The following APOOL variants were observed in gnomAD, a reference collection of about 807,000 sequenced individuals.
The protein encoded by APOOL is MICOS complex subunit MIC27.
APOOL carries 12 observed loss-of-function variants against 23.1 expected under a neutral mutation model. The observed-to-expected ratio is 0.52, with a 90% CI of 0.33 to 0.84. The LOEUF (loss-of-function observed/expected upper bound fraction) is 0.84. APOOL is among the 40% of genes least tolerant of loss of function. The pLI, the probability that APOOL is intolerant of heterozygous loss-of-function variation, is 0.02. For missense variants in APOOL, 212 were observed against 199.6 expected, an observed-to-expected ratio of 1.06 and a Z score of -0.37; for synonymous variants, 77 against 69.9, an observed-to-expected ratio of 1.10 and a Z score of -0.51.
chrX:85,051,560 C>T, intron 3 of APOOL, 52 bp downstream of exon 3: 1 of 1,194,739 alleles, frequency 8.4e-7, no homozygotes, highest in South Asian at 1.8e-5. Context: ...ATTAATTGTT[C>T]CAGTTACCTA....
intron 4 of APOOL, among the ~76,000 whole-genome samples, chrX:85,055,126 ATTAT>A (rs1205946389): frequency 8.9e-6 from 1 of 112,011 alleles, no homozygotes; most frequent in Non-Finnish European, 1.9e-5. Flanking sequence ...TTGAATTGTC[ATTAT>A]TTAATGTATT....
At chrX:85,060,924 A>C (rs1262187540) in intron 5 of APOOL, among the ~76,000 whole-genome samples, 1 of 111,202 alleles carries the variant, frequency 9.0e-6, no homozygotes, top group East Asian at 2.8e-4. Flanking sequence ...TGTGTTGAAC[A>C]GGAGTGGTGA....
chrX:85,013,693 G>T (rs1484943958), intron 1 of APOOL, among the ~76,000 whole-genome samples: 1 of 111,642 alleles, frequency 9.0e-6, no homozygotes, highest in Admixed American at 9.5e-5. Context: ...TGCTTAATAT[G>T]ATTTTGATTT....
At chrX:85,019,274 AT>A (rs1333168603) in intron 1 of APOOL, among the ~76,000 whole-genome samples, 2 of 112,032 alleles carry the variant, frequency 1.8e-5, no homozygotes, top group Non-Finnish European at 3.8e-5. Context: ...TATCTGAAAG[AT>A]ATTGAGTCAT....
chrX:85,017,865 G>T (rs1412162813), intron 1 of APOOL, among the ~76,000 whole-genome samples: 1 of 111,913 alleles, frequency 8.9e-6, no homozygotes, highest in East Asian at 2.8e-4. Flanking sequence ...CTCTCACTTT[G>T]GGAACTCACC....
intron 3 of APOOL, among the ~76,000 whole-genome samples, chrX:85,052,513 AT>A (rs1922818584): frequency 8.9e-6 from 1 of 112,005 alleles, no homozygotes; most frequent in African/African-American, 3.2e-5. Flanking sequence ...CTGATGGTGA[AT>A]CATTGTTCTT....
At chrX:85,084,875 C>T (rs975426942) in intron 8 of APOOL, among the ~76,000 whole-genome samples, 1 of 111,233 alleles carries the variant, frequency 9.0e-6, no homozygotes, top group African/African-American at 3.3e-5. Context: ...ATTTGACACA[C>T]TGAGATTTAC....
At chrX:85,073,220 G>A (rs1038762917) in intron 6 of APOOL, among the ~76,000 whole-genome samples, 1 of 111,046 alleles carries the variant, frequency 9.0e-6, no homozygotes, top group African/African-American at 3.3e-5. Flanking sequence ...AAAAATTTAT[G>A]TTTGTAGAAA....
chrX:85,027,340 C>G (rs1921879295), intron 1 of APOOL, among the ~76,000 whole-genome samples: 1 of 111,353 alleles, frequency 9.0e-6, no homozygotes, highest in Non-Finnish European at 1.9e-5. Context: ...TGCCAGCCCC[C>G]ACTTCCTATA....
At chrX:85,084,238 C>T (rs1480439884) in intron 8 of APOOL, among the ~76,000 whole-genome samples, 1 of 104,376 alleles carries the variant, frequency 9.6e-6, no homozygotes, top group Non-Finnish European at 1.9e-5. Context: ...CGGGTTCAAG[C>T]GATTCTCCTG....
intron 1 of APOOL, among the ~76,000 whole-genome samples, chrX:85,026,019 C>G (rs1304465782): frequency 8.8e-6 from 1 of 113,328 alleles, no homozygotes; most frequent in Non-Finnish European, 1.9e-5. Context: ...TGTGAGGGCT[C>G]CACCTCTGCA....
intron 5 of APOOL, among the ~76,000 whole-genome samples, chrX:85,057,565 A>C (rs958594657): frequency 9.4e-6 from 1 of 105,908 alleles, no homozygotes; most frequent in African/African-American, 3.4e-5. Context: ...ATATATATAT[A>C]TCTCATCTGA....
chrX:85,014,327 G>C (rs894201496), intron 1 of APOOL, among the ~76,000 whole-genome samples: 1 of 111,321 alleles, frequency 9.0e-6, no homozygotes, highest in Admixed American at 9.6e-5. Context: ...CGTTAGTATT[G>C]AGATGTGAGG....
chrX:85,077,253 C>T (rs2147664350), intron 8 of APOOL, among the ~76,000 whole-genome samples: 1 of 106,984 alleles, frequency 9.3e-6, no homozygotes, highest in African/African-American at 3.4e-5. Flanking sequence ...GCTATCCCTC[C>T]TCCTGCCCCC....
chrX:85,038,524 G>GTTTTTTTTTTTT lies in APOOL; in HGVS notation c.16-7907_16-7896dup, dbSNP rs56248244. On this transcript the variant is annotated intron_variant, in intron 1 of 8. Transcript: ENST00000373173. Reference sequence around the variant, plus strand: ...TAAGCTGTGAATCTATCTGGTACAAGTTTTTTTTTTTTTTTTTTTTTTTTT... The same window carrying GTTTTTTTTTTTT: ...TAAGCTGTGAATCTATCTGGTACAAGTTTTTTTTTTTTTTTTTTTTTTTTTTTTTTTTTTTTT... Among the ~76,000 whole-genome samples the GTTTTTTTTTTTT allele has an allele frequency of 3.0e-4, 13 of 43,428 alleles. 1 individual carries two copies. The highest frequency in any genetic ancestry group is 1.4e-3 in the African/African-American group (13 of 9,315). 37.7% of individuals were successfully genotyped at this position (43,428 alleles called of 115,157 possible). A position where few individuals can be genotyped will look rare whatever the true frequency, so the allele number is the denominator to read the frequency against.
At position 85,046,421 on chromosome X, in the gene APOOL, G is replaced by T. The variant is rs368202889; in HGVS notation, c.16-25G>T. 6.2e-6 allele frequency: 7 copies of T among 1,128,491 alleles called. No individual in the cohort carries two copies. In the South Asian group the frequency reaches 9.9e-5, roughly 16 times the overall value. 93.0% of individuals were successfully genotyped at this position (1,128,491 alleles called of 1,213,427 possible). ...AGATGGAAAGCTTTTCAACTAAAAA[G>T]ATGTTTTTGATATATCTTTCTTAGA... On this transcript the variant is annotated intron_variant, in intron 1 of 8. Transcript: ENST00000373173.
intron 8 of APOOL, among the ~76,000 whole-genome samples, chrX:85,077,702 G>A (rs1923913082): frequency 9.0e-6 from 1 of 111,728 alleles, no homozygotes; most frequent in African/African-American, 3.3e-5. Flanking sequence ...CAGAATGGTT[G>A]AACTAATTTA....
chrX:85,009,720 G>A (rs1921212595), intron 1 of APOOL, among the ~76,000 whole-genome samples: 2 of 110,196 alleles, frequency 1.8e-5, no homozygotes, highest in Admixed American at 9.7e-5. Flanking sequence ...GGCATTTGTT[G>A]TGCAGATTAT....
At chrX:85,057,475 T>A (rs1234458026) in intron 5 of APOOL, among the ~76,000 whole-genome samples, 1 of 105,628 alleles carries the variant, frequency 9.5e-6, no homozygotes, top group Non-Finnish European at 1.9e-5. Context: ...TATATATATA[T>A]AAAACATATA....
Sources: allele counts gnomAD v4.1 joint callset (sites outside exome capture counted in the v4.1 genomes callset), GRCh38; gene constraint gnomAD v4.1.1; transcripts MANE v1.5; gene names NCBI Gene and HGNC (gene_info 2026-07-23, HGNC 2026-07-21).